The following SLC25A26 variants were observed in gnomAD, a reference collection of about 807,000 sequenced individuals.
SLC25A26 encodes the protein mitochondrial S-adenosylmethionine carrier protein.
SLC25A26 carries 36 observed loss-of-function variants against 37.8 expected under a neutral mutation model. The ratio of observed to expected loss-of-function variants is 0.95; its 90% CI spans 0.73 to 1.26. The LOEUF (loss-of-function observed/expected upper bound fraction) is 1.26. SLC25A26 is among the 50% of genes most tolerant of loss of function. The pLI is 0.00. For missense variants in SLC25A26, 390 were observed against 331.1 expected (o/e 1.18, Z -1.38); for synonymous variants, 129 against 122.5 (o/e 1.05, Z -0.35).
At chr3:66,315,414 A>G (rs931665739) in intron 5 of SLC25A26, among the ~76,000 whole-genome samples, 2 of 152,150 alleles carry the variant, frequency 1.3e-5, no homozygotes, top group East Asian at 1.9e-4. Context: ...TTCAATTTCC[A>G]TATACCTTTG....
intron 4 of SLC25A26, among the ~76,000 whole-genome samples, chr3:66,262,701 A>T (rs6549087): frequency 0.34 from 51,039 of 151,978 alleles, 9,042 homozygotes; most frequent in African/African-American, 0.44. Flanking sequence ...GAATTTTCAA[A>T]GAGTCTTGAT....
At chr3:66,322,471 CTT>C (rs1412760799) in intron 5 of SLC25A26, among the ~76,000 whole-genome samples, 3 of 152,178 alleles carry the variant, frequency 2.0e-5, no homozygotes, top group Non-Finnish European at 4.4e-5. Context: ...AGACAAACCT[CTT>C]TTCAACCACA....
chr3:66,318,203 C>T (rs1201701190), intron 5 of SLC25A26, among the ~76,000 whole-genome samples: 1 of 152,140 alleles, frequency 6.6e-6, no homozygotes, highest in Non-Finnish European at 1.5e-5. Context: ...CTGGAGTATG[C>T]AAATACTCCT....
chr3:66,155,168 A>G (rs1359827244), intron 1 of SLC25A26, among the ~76,000 whole-genome samples: 1 of 152,228 alleles, frequency 6.6e-6, no homozygotes, highest in South Asian at 2.1e-4. Context: ...TTTACCTTTT[A>G]GCCCAGAGAC....
exon 1 of SLC25A26, chr3:66,133,700 A>G (rs1322250560): frequency 6.6e-6 from 1 of 152,214 alleles, no homozygotes; most frequent in Non-Finnish European, 1.5e-5. Context: ...CTTTCCATAA[A>G]TACAAGGATG....
At chr3:66,333,045 G>A (rs2076013639) in intron 5 of SLC25A26, among the ~76,000 whole-genome samples, 1 of 152,126 alleles carries the variant, frequency 6.6e-6, no homozygotes, top group African/African-American at 2.4e-5. Flanking sequence ...TCGCGGGTGA[G>A]AAGTCTGATG....
chr3:66,295,914 C>G (rs957211465), intron 5 of SLC25A26, among the ~76,000 whole-genome samples: 2 of 151,828 alleles, frequency 1.3e-5, no homozygotes, highest in African/African-American at 4.8e-5. Context: ...GTCAGGAGTT[C>G]GAGACCAGCC....
intron 1 of SLC25A26, among the ~76,000 whole-genome samples, chr3:66,223,045 A>C (rs782079346): frequency 6.6e-6 from 1 of 152,218 alleles, no homozygotes; most frequent in African/African-American, 2.4e-5. Flanking sequence ...CCCACTGGGT[A>C]TTGTGGTAGG....
At chr3:66,209,372 T>C (rs2071241986) in intron 1 of SLC25A26, among the ~76,000 whole-genome samples, 2 of 140,450 alleles carry the variant, frequency 1.4e-5, no homozygotes, top group South Asian at 2.3e-4. Context: ...TGTATATATA[T>C]ACATATGTAC....
rs577779962 is a variant in SLC25A26 at position 66,345,931 on chromosome 3, G to A, written c.454-433G>A. Among the ~76,000 whole-genome samples, 17 of 152,278 alleles carry A rather than the reference G, an allele frequency of 1.1e-4. No individual in the cohort carries two copies. In the South Asian group the frequency reaches 3.1e-3, roughly 28 times the overall value. On this transcript the variant is annotated intron_variant, in intron 5 of 9. Coordinates refer to ENST00000354883, the MANE Select transcript of SLC25A26 (RefSeq NM_001379210.1). ...AAGATCACCAGGCTCAGTGGCTCACGCCTGTAATCCCAGCACTTTTGGAGG... is the reference window on the plus strand; with the variant it reads ...AAGATCACCAGGCTCAGTGGCTCACACCTGTAATCCCAGCACTTTTGGAGG...
chr3:66,291,738 A>G (rs1259268063), intron 5 of SLC25A26, among the ~76,000 whole-genome samples: 1 of 152,176 alleles, frequency 6.6e-6, no homozygotes, highest in African/African-American at 2.4e-5. Flanking sequence ...TCAATTTTAG[A>G]ATAAGTGCGA....
chr3:66,199,870 T>C (rs1010497348), intron 1 of SLC25A26, among the ~76,000 whole-genome samples: 22 of 152,280 alleles, frequency 1.4e-4, no homozygotes, highest in East Asian at 7.7e-4. Flanking sequence ...CAGAGCTGCA[T>C]TGACTCTGAT....
intron 5 of SLC25A26, among the ~76,000 whole-genome samples, chr3:66,268,537 C>T (rs186631332): frequency 7.2e-4 from 109 of 152,270 alleles, no homozygotes; most frequent in Non-Finnish European, 1.3e-3. Flanking sequence ...TTGAAACTTC[C>T]CCCAAATTCT....
intron 7 of SLC25A26, among the ~76,000 whole-genome samples, chr3:66,366,277 C>T (rs529146002): frequency 6.6e-6 from 1 of 152,164 alleles, no homozygotes; most frequent in Non-Finnish European, 1.5e-5. Flanking sequence ...TTACCAGTAG[C>T]TTACAGTGCC....
intron 5 of SLC25A26, among the ~76,000 whole-genome samples, chr3:66,345,612 C>T (rs1009731223): frequency 2.0e-5 from 3 of 151,736 alleles, no homozygotes; most frequent in African/African-American, 7.3e-5. Flanking sequence ...CTCTCCCCTT[C>T]TCTTCCTGCT....
At chr3:66,324,703 T>A (rs1343495004) in intron 5 of SLC25A26, among the ~76,000 whole-genome samples, 1 of 152,172 alleles carries the variant, frequency 6.6e-6, no homozygotes, top group African/African-American at 2.4e-5. Flanking sequence ...CTTGGGAGGC[T>A]AGAAGCAAGA....
intron 6 of SLC25A26, among the ~76,000 whole-genome samples, chr3:66,360,779 A>AT (rs1409627103): frequency 1.3e-5 from 2 of 152,224 alleles, no homozygotes; most frequent in Non-Finnish European, 2.9e-5. Context: ...ATGGAGAGGG[A>AT]TGCCATGCCT....
At chr3:66,287,404 C>G (rs1185612435) in intron 5 of SLC25A26, among the ~76,000 whole-genome samples, 1 of 151,786 alleles carries the variant, frequency 6.6e-6, no homozygotes, top group Non-Finnish European at 1.5e-5. Context: ...TTTTTAGTCA[C>G]TGTTTTTACA....
chr3:66,191,746 C>T (rs2070945909), intron 1 of SLC25A26, among the ~76,000 whole-genome samples: 1 of 151,664 alleles, frequency 6.6e-6, no homozygotes, highest in African/African-American at 2.4e-5. Flanking sequence ...AGAAATTAGC[C>T]AGGCAGTAGT....
Sources: allele counts gnomAD v4.1 joint callset (sites outside exome capture counted in the v4.1 genomes callset), GRCh38; gene constraint gnomAD v4.1.1; transcripts MANE v1.5; gene names NCBI Gene and HGNC (gene_info 2026-07-23, HGNC 2026-07-21).